The following ANKRD55 variants were observed in gnomAD, a reference collection of about 807,000 sequenced individuals.
ANKRD55 encodes the protein ankyrin repeat domain 55.
In ANKRD55, 41 loss-of-function variants were observed where a neutral mutation model predicts 60.6. That is an observed-to-expected ratio of 0.68 (90% confidence interval 0.53 to 0.88). The LOEUF is 0.88. Ranked by LOEUF, ANKRD55 falls within the 40% of genes least tolerant of loss-of-function variation. The pLI, the probability that ANKRD55 is intolerant of heterozygous loss-of-function variation, is 0.00. For synonymous variants in ANKRD55, 264 were observed against 290.3 expected (o/e 0.91, Z 0.92); for missense variants, 732 against 767.6 (o/e 0.95, Z 0.55).
intron 7 of ANKRD55, 50 bp from the exon 8 acceptor site, chr5:56,127,156 C>A: frequency 6.8e-7 from 1 of 1,462,530 alleles, no homozygotes; most frequent in South Asian, 1.6e-5. Context: ...CAGTGTTCTT[C>A]TCTGTCTAGG....
chr5:56,135,421 G>A (rs1327468969), intron 7 of ANKRD55, among the ~76,000 whole-genome samples: 1 of 149,270 alleles, frequency 6.7e-6, no homozygotes, highest in Admixed American at 6.8e-5. Context: ...TCAGGCTGGA[G>A]TGCAGTGGTG....
rs143216780 is a variant in ANKRD55 at position 56,158,756 on chromosome 5, T to C, written c.483+1077A>G. Reference sequence around the variant, plus strand: ...TCACCCAGGCTAGGGTGCAGTGATGTGATCATATCTCACTGTAACCTTGAA... The same window carrying C: ...TCACCCAGGCTAGGGTGCAGTGATGCGATCATATCTCACTGTAACCTTGAA... On this transcript the variant is annotated intron_variant, in intron 6 of 11. Coordinates refer to ENST00000341048, the MANE Select transcript of ANKRD55 (RefSeq NM_024669.3). Among the ~76,000 whole-genome samples the C allele has an allele frequency of 1.7e-3, 256 of 152,290 alleles. 1 individual carries two copies. The highest frequency in any genetic ancestry group is 5.9e-3 in the African/African-American group (245 of 41,516).
chr5:56,132,726 A>C (rs779352709), intron 7 of ANKRD55, among the ~76,000 whole-genome samples: 2 of 152,190 alleles, frequency 1.3e-5, no homozygotes, highest in Non-Finnish European at 2.9e-5. Context: ...AGAGATTGTC[A>C]GGGTGGATAG....
At chr5:56,220,195 C>T (rs1368389610) in intron 2 of ANKRD55, among the ~76,000 whole-genome samples, 1 of 152,230 alleles carries the variant, frequency 6.6e-6, no homozygotes. Context: ...AGGCCCCCTC[C>T]CCCAGGACAG....
At chr5:56,132,347 G>A (rs1218344103) in intron 7 of ANKRD55, among the ~76,000 whole-genome samples, 1 of 151,552 alleles carries the variant, frequency 6.6e-6, no homozygotes, top group African/African-American at 2.4e-5. Context: ...AAAGAATAAG[G>A]GCATGGGCGG....
intron 2 of ANKRD55, among the ~76,000 whole-genome samples, chr5:56,202,786 T>A (rs888684088): frequency 6.6e-6 from 1 of 152,218 alleles, no homozygotes; most frequent in African/African-American, 2.4e-5. Flanking sequence ...TTTCTTTGAA[T>A]GTTAGCATCT....
chr5:56,163,309 G>A (rs1038391295), intron 5 of ANKRD55, among the ~76,000 whole-genome samples: 1 of 152,080 alleles, frequency 6.6e-6, no homozygotes, highest in Non-Finnish European at 1.5e-5. Flanking sequence ...GCCAGCCTGG[G>A]ACTTCCTTGC....
chr5:56,146,667 C>A (rs1455535951), intron 6 of ANKRD55: 2 of 152,164 alleles, frequency 1.3e-5, no homozygotes, highest in African/African-American at 2.4e-5. Context: ...AGACAATGAA[C>A]TTGTCTGATA....
At position 56,199,706 on chromosome 5, in the gene ANKRD55, C is replaced by T. The variant is rs551898973; in HGVS notation, c.59-16072G>A. The stretch of plus-strand genomic sequence containing the variant: ...GAGATCGAGACCATCCTGGCTAACA[C>T]GGTGAAACCCTGTCTCTACTAAAAG... On this transcript the variant is annotated intron_variant, in intron 2 of 11. Transcript: ENST00000341048. Among the ~76,000 whole-genome samples, 39 of 151,610 alleles carry T rather than the reference C, an allele frequency of 2.6e-4. No individual in the cohort carries two copies. The South Asian group carries it at 4.2e-3, about 16-fold the overall frequency.
intron 5 of ANKRD55, 42 bp from the exon 6 acceptor site, chr5:56,159,935 A>C (rs761648591): frequency 6.4e-7 from 1 of 1,562,682 alleles, no homozygotes; most frequent in Non-Finnish European, 8.8e-7. Context: ...AATAACAGGC[A>C]GTCACGGTGC....
chr5:56,152,057 T>C (rs1024468688), intron 6 of ANKRD55, among the ~76,000 whole-genome samples: 1 of 145,086 alleles, frequency 6.9e-6, no homozygotes, highest in African/African-American at 2.5e-5. Flanking sequence ...TAGAAGTTTA[T>C]AGGGTTGGAG....
chr5:56,215,420 G>C (rs897031051), intron 2 of ANKRD55, among the ~76,000 whole-genome samples: 17 of 151,628 alleles, frequency 1.1e-4, no homozygotes, highest in African/African-American at 4.2e-4. Flanking sequence ...CTGAGCTGAG[G>C]CCTCTTAGCA....
At chr5:56,141,836 A>G (rs1757778587) in intron 7 of ANKRD55, among the ~76,000 whole-genome samples, 1 of 152,208 alleles carries the variant, frequency 6.6e-6, no homozygotes, top group Non-Finnish European at 1.5e-5. Flanking sequence ...GTCCAATTAC[A>G]TAGTACGTTA....
chr5:56,204,037 A>G (rs1759443161), intron 2 of ANKRD55, among the ~76,000 whole-genome samples: 1 of 152,066 alleles, frequency 6.6e-6, no homozygotes, highest in African/African-American at 2.4e-5. Context: ...CTGGTGTGAG[A>G]TGGTATCTCA....
At chr5:56,115,024 A>G (rs1463421483) in intron 9 of ANKRD55, among the ~76,000 whole-genome samples, 1 of 151,852 alleles carries the variant, frequency 6.6e-6, no homozygotes, top group Non-Finnish European at 1.5e-5. Context: ...CTCTACAAAA[A>G]AATAAAAAAC....
chr5:56,159,008 TTTTC>T (rs1303541139), intron 6 of ANKRD55, among the ~76,000 whole-genome samples: 4 of 151,974 alleles, frequency 2.6e-5, no homozygotes, highest in South Asian at 2.1e-4. Context: ...TTGTTTTCCT[TTTTC>T]TTTCTTTTTT....
At chr5:56,155,651 G>C (rs1213863107) in intron 6 of ANKRD55, among the ~76,000 whole-genome samples, 1 of 152,004 alleles carries the variant, frequency 6.6e-6, no homozygotes, top group Non-Finnish European at 1.5e-5. Context: ...AAAATTATGA[G>C]TGCCTCAGAG....
intron 2 of ANKRD55, chr5:56,192,979 C>T (rs1383101161): frequency 8.6e-6 from 7 of 809,594 alleles, no homozygotes; most frequent in Non-Finnish European, 1.1e-5. Context: ...ATGAGCTATA[C>T]TGGAAAACAA....
At chr5:56,156,987 C>T (rs1425260046) in intron 6 of ANKRD55, 2 of 152,942 alleles carry the variant, frequency 1.3e-5, no homozygotes, top group African/African-American at 2.4e-5. Context: ...GGCAGATCAC[C>T]TGAACTCACT....
Sources: gnomAD v4.1 joint callset for allele counts (sites outside exome capture counted in the v4.1 genomes callset) on GRCh38, gnomAD v4.1.1 for gene constraint, MANE v1.5 for transcripts, NCBI Gene and HGNC (gene_info 2026-07-23, HGNC 2026-07-21) for gene names.